Variants in MAN1C1 observed in about 807,000 individuals in gnomAD.
The protein encoded by MAN1C1 is mannosidase alpha class 1C member 1.
In MAN1C1, 49 loss-of-function variants were observed where a neutral mutation model predicts 71.5. The ratio of observed to expected loss-of-function variants is 0.69; its 90% CI spans 0.54 to 0.87. The LOEUF is 0.87. Among genes scored for constraint, MAN1C1 ranks in the 40% least tolerant of loss-of-function variants. The pLI is 0.00. For missense variants in MAN1C1, 743 were observed against 835.0 expected, an observed-to-expected ratio of 0.89 and a Z score of 1.36; for synonymous variants, 352 against 343.7, an observed-to-expected ratio of 1.02 and a Z score of -0.27.
intron 4 of MAN1C1, among the ~76,000 whole-genome samples, chr1:25,751,440 A>G (rs1398132180): frequency 6.6e-6 from 1 of 152,024 alleles, no homozygotes; most frequent in East Asian, 1.9e-4. Flanking sequence ...TGAGGCCTCA[A>G]CTTCCTAGAA....
intron 2 of MAN1C1, among the ~76,000 whole-genome samples, chr1:25,700,032 G>A (rs2046418393): frequency 1.3e-5 from 2 of 152,218 alleles, no homozygotes; most frequent in Non-Finnish European, 2.9e-5. Flanking sequence ...AAGAGCCCCG[G>A]AAGTATGTTG....
chr1:25,743,190 G>A (rs1000465633), intron 2 of MAN1C1, among the ~76,000 whole-genome samples: 12 of 152,156 alleles, frequency 7.9e-5, no homozygotes, highest in South Asian at 2.1e-4. Context: ...GCATTTGAAC[G>A]CGGGGCTGCT....
rs1244061379 is a variant in MAN1C1, at chr1:25,725,830, C to T, written c.638-20838C>T. On this transcript the variant is annotated intron_variant, in intron 2 of 11. Coordinates refer to ENST00000374332, the MANE Select transcript of MAN1C1 (RefSeq NM_020379.4). The surrounding 1 kb of genome is among the most constrained non-coding windows in gnomAD (Gnocchi z 4.8). ...GGGCTGGGTTCAAGGCACCTGAGAA[C>T]AACAGATGCACATGGTAGAGCTGAA... Among the ~76,000 whole-genome samples, 9 of 152,238 alleles carry T rather than the reference C, an allele frequency of 5.9e-5. No individual in the cohort carries two copies. The highest frequency in any genetic ancestry group is 5.2e-4 in the Admixed American group (8 of 15,286).
chr1:25,649,390 T>A (rs1260353307), intron 1 of MAN1C1, among the ~76,000 whole-genome samples: 1 of 152,194 alleles, frequency 6.6e-6, no homozygotes, highest in Non-Finnish European at 1.5e-5. Flanking sequence ...GTGGTGTGAG[T>A]CCACAGTGTG....
chr1:25,731,476 A>G (rs959196963), intron 2 of MAN1C1, among the ~76,000 whole-genome samples: 4 of 152,244 alleles, frequency 2.6e-5, no homozygotes, highest in African/African-American at 9.6e-5. Flanking sequence ...CGTCTACATT[A>G]TCTGCATTTC....
intron 2 of MAN1C1, among the ~76,000 whole-genome samples, chr1:25,693,667 C>T (rs530499480): frequency 1.1e-4 from 16 of 152,250 alleles, no homozygotes; most frequent in East Asian, 9.7e-4. Flanking sequence ...GGTGGACCCA[C>T]GCATTACAAG....
At position 25,686,471 on chromosome 1, in the gene MAN1C1, G is replaced by A. The variant is rs755018052; in HGVS notation, c.572G>A (p.Arg191His). Residue 191 changes from arginine to histidine, a missense_variant, in exon 2 of 12, where the codon CGT becomes CAT. Arg to His is a conservative substitution (Grantham distance 29). Transcript: ENST00000374332. ...MMQFAWQSYK[R>H]YAMGKNELRP... The stretch of plus-strand genomic sequence containing the variant: ...CAGTTTGCTTGGCAGAGCTATAAGC[G>A]TTATGCAATGGGGAAAAACGAACTC... The A allele has an allele frequency of 2.9e-5, 47 of 1,614,176 alleles. 1 individual carries two copies. Among genetic ancestry groups the A allele is most frequent in the Admixed American group, 2.2e-4 (13 of 60,024 alleles).
rs2047399389 is a variant in MAN1C1, at chr1:25,764,252, C to G, written c.1141+285C>G. Among the ~76,000 whole-genome samples the G allele has an allele frequency of 6.6e-6, 1 of 152,136 alleles. No individual in the cohort carries two copies. Among genetic ancestry groups the G allele is most frequent in the Non-Finnish European group, 1.5e-5 (1 of 68,020 alleles). ...TTCTCTGGCCCCATCAATGGCGCAG[C>G]CTTCCATCTCTTATGCTGCTGCGGG... On this transcript the variant is annotated intron_variant, in intron 7 of 11. Coordinates refer to ENST00000374332, the MANE Select transcript of MAN1C1 (RefSeq NM_020379.4). This position sits in a 1 kb window ranked among gnomAD's most constrained non-coding sequence, Gnocchi z 4.4.
Position 25,618,833 on chromosome 1 carries a change from C to G in MAN1C1, c.540+496C>G, listed in dbSNP as rs144738314. Among the ~76,000 whole-genome samples the G allele has an allele frequency of 5.3e-5, 8 of 152,236 alleles. No homozygotes were observed. In the East Asian group the frequency reaches 1.3e-3, roughly 26 times the overall value. On this transcript the variant is annotated intron_variant, in intron 1 of 11. Transcript: ENST00000374332. ...CAGGATTTAAGGGGGTATTTGGTGT[C>G]CTGCAAATATTTTGTAATCTAGTAA...
chr1:25,702,336 C>T (rs555513543), intron 2 of MAN1C1, among the ~76,000 whole-genome samples: 2 of 152,280 alleles, frequency 1.3e-5, no homozygotes, highest in African/African-American at 2.4e-5. Context: ...ACATGAAACT[C>T]GCCCAGATCC....
chr1:25,771,593 GGCCCT>G, intron 7 of MAN1C1, 59 bp from the exon 8 acceptor site: 2 of 1,280,364 alleles, frequency 1.6e-6, no homozygotes, highest in South Asian at 2.4e-5. Flanking sequence ...GGGTGTGCGA[GGCCCT>G]GCCCCGTGAG....
intron 1 of MAN1C1, among the ~76,000 whole-genome samples, chr1:25,627,825 GAGTTCC>G (rs1308098673): frequency 6.6e-6 from 1 of 150,498 alleles, no homozygotes; most frequent in African/African-American, 2.4e-5. Context: ...TTGAGCCCAG[GAGTTCC>G]AGACCAGCCT....
Position 25,782,998 on chromosome 1 carries a change from G to C in MAN1C1, c.1766+298G>C, listed in dbSNP as rs74060835. On this transcript the variant is annotated intron_variant, in intron 11 of 11. Coordinates refer to ENST00000374332, the MANE Select transcript of MAN1C1 (RefSeq NM_020379.4). This position sits in a 1 kb window ranked among gnomAD's most constrained non-coding sequence, Gnocchi z 4.4. ...CTTCCGTTCTGGGAACCGCGTCCTC[G>C]TGTGTAAAATGGGATAGGGTTAACG... Among the ~76,000 whole-genome samples the C allele has an allele frequency of 2.4e-4, 36 of 152,268 alleles. 1 individual carries two copies. The highest frequency in any genetic ancestry group is 4.4e-4 in the Non-Finnish European group (30 of 68,020).
In MAN1C1 at chr1:25,775,503, G is replaced by A. The variant is rs1337391837; in HGVS notation, c.1258-2602G>A. Reference sequence around the variant, plus strand: ...ATCTTCTGTGTGTCGGGCACTGGCTGGAGGCTGCTGCTGGTGGCTTCTGCT... The same window carrying A: ...ATCTTCTGTGTGTCGGGCACTGGCTAGAGGCTGCTGCTGGTGGCTTCTGCT... On this transcript the variant is annotated intron_variant, in intron 8 of 11. Coordinates refer to ENST00000374332, the MANE Select transcript of MAN1C1 (RefSeq NM_020379.4). This position sits in a 1 kb window ranked among gnomAD's most constrained non-coding sequence, Gnocchi z 5.1. Among the ~76,000 whole-genome samples the A allele has an allele frequency of 6.6e-6, 1 of 152,254 alleles. No individual in the cohort carries two copies. Among genetic ancestry groups the A allele is most frequent in the Non-Finnish European group, 1.5e-5 (1 of 68,040 alleles).
rs751900630 is a variant in MAN1C1, at chr1:25,778,146, G to C, written c.1299G>C (p.Leu433=). 1 of 1,599,176 alleles carries C rather than the reference G, an allele frequency of 6.3e-7. No individual in the cohort carries two copies. Among genetic ancestry groups the C allele is most frequent in the Non-Finnish European group, 8.5e-7 (1 of 1,170,964 alleles). The part of the protein sequence containing the change: ...TYLLNVSPGG[L]TYIAEWRGGI... ...TGCTGAATGTCTCTCCCGGGGGGCT[G>C]ACCTACATTGCCGAGTGGCGAGGGG... The change falls in exon 9 of 12, where the codon CTG becomes CTC. Residue 433 remains leucine, a synonymous_variant. Coordinates refer to ENST00000374332, the MANE Select transcript of MAN1C1 (RefSeq NM_020379.4). The surrounding 1 kb of genome is among the most constrained non-coding windows in gnomAD (Gnocchi z 5.5).
At chr1:25,637,372 A>G (rs1000125687) in intron 1 of MAN1C1, among the ~76,000 whole-genome samples, 1 of 152,066 alleles carries the variant, frequency 6.6e-6, no homozygotes, top group Non-Finnish European at 1.5e-5. Context: ...AATTTTCCAG[A>G]TATCTTTTAA....
intron 2 of MAN1C1, among the ~76,000 whole-genome samples, chr1:25,708,383 A>G (rs991727933): frequency 2.6e-5 from 4 of 152,202 alleles, no homozygotes; most frequent in South Asian, 4.1e-4. Context: ...CTAATGAGCA[A>G]TGAGGACAAT....
At chr1:25,698,991 C>A (rs1325975263) in intron 2 of MAN1C1, among the ~76,000 whole-genome samples, 1 of 149,276 alleles carries the variant, frequency 6.7e-6, no homozygotes, top group East Asian at 2.0e-4. Flanking sequence ...GACCTCCATA[C>A]TGAGACTGGA....
intron 2 of MAN1C1, among the ~76,000 whole-genome samples, chr1:25,722,019 A>C (rs184680168): frequency 6.6e-6 from 1 of 152,354 alleles, no homozygotes; most frequent in Non-Finnish European, 1.5e-5. Context: ...CTGAAACTCT[A>C]TTCTACTCTC....
Sources: allele counts gnomAD v4.1 joint callset (sites outside exome capture counted in the v4.1 genomes callset), GRCh38; gene constraint gnomAD v4.1.1; non-coding constraint Gnocchi (gnomAD v3.1); transcripts MANE v1.5; gene names NCBI Gene and HGNC (gene_info 2026-07-23, HGNC 2026-07-21).